Variants in ANGPT2 observed in about 807,000 individuals in gnomAD.
ANGPT2 encodes the protein angiopoietin 2, also known as angiopoietin-2.
In ANGPT2, 28 loss-of-function variants were observed where a neutral mutation model predicts 62.9. The ratio of observed to expected loss-of-function variants is 0.44; its 90% CI spans 0.33 to 0.61. The LOEUF (loss-of-function observed/expected upper bound fraction) is 0.61. Among genes scored for constraint, ANGPT2 ranks in the 20% least tolerant of loss-of-function variants. The pLI is 0.03. For synonymous variants in ANGPT2, 284 were observed against 207.8 expected, an observed-to-expected ratio of 1.37 and a Z score of -3.15; for missense variants, 727 against 594.9, an observed-to-expected ratio of 1.22 and a Z score of -2.31.
Position 6,502,844 on chromosome 8 carries a change from G to C in ANGPT2, c.*257C>G, listed in dbSNP as rs898091946. 1 of 449,460 alleles carries C rather than the reference G, an allele frequency of 2.2e-6. No homozygotes were observed. Among genetic ancestry groups the C allele is most frequent in the Non-Finnish European group, 4.0e-6 (1 of 251,792 alleles). 27.8% of individuals were successfully genotyped at this position (449,460 alleles called of 1,614,324 possible). A position where few individuals can be genotyped will look rare whatever the true frequency, so the allele number is the denominator to read the frequency against. On this transcript the variant is annotated 3_prime_UTR_variant, in exon 9 of 9. Transcript: ENST00000629816. ...CTGTAAACTGTCAGTCTGATTCTCAGCCTCGGGTTCATCTTTGCATAGGTG... is the reference window on the plus strand; with the variant it reads ...CTGTAAACTGTCAGTCTGATTCTCACCCTCGGGTTCATCTTTGCATAGGTG...
intron 1 of ANGPT2, among the ~76,000 whole-genome samples, chr8:6,559,166 G>A (rs1232430376): frequency 6.6e-6 from 1 of 151,574 alleles, no homozygotes; most frequent in Non-Finnish European, 1.5e-5. Flanking sequence ...AATGAACCAA[G>A]CCCTGGGTTT....
chr8:6,508,704 G>C (rs1193913053), intron 8 of ANGPT2: 2 of 632,672 alleles, frequency 3.2e-6, no homozygotes, highest in African/African-American at 3.7e-5. Context: ...GCTAGGTCCT[G>C]AGGAGACACA....
chr8:6,513,776 T>C lies in ANGPT2; in HGVS notation c.1098A>G (p.Gln366=). 1.2e-6 allele frequency: 2 copies of C among 1,614,098 alleles called. No homozygotes were observed. ...TAAGGTGTATTTTAAGCACATAGCG[T>C]TGCTGATTAGTCAGTTGCGAAACAA... The part of the protein sequence containing the change: ...NEFVSQLTNQ[Q]RYVLKIHLKD... The change falls in exon 7 of 9, where the codon CAA becomes CAG. Residue 366 remains glutamine, a synonymous_variant. Coordinates refer to ENST00000629816, the MANE Select transcript of ANGPT2 (RefSeq NM_001118887.2).
chr8:6,559,357 G>A (rs1179673969), intron 1 of ANGPT2, among the ~76,000 whole-genome samples: 2 of 152,090 alleles, frequency 1.3e-5, no homozygotes, highest in African/African-American at 2.4e-5. Context: ...TATGTTTGAA[G>A]AGCATAACTG....
chr8:6,505,391 G>A (rs1422969019), intron 8 of ANGPT2, among the ~76,000 whole-genome samples: 1,977 of 47,406 alleles, frequency 0.042, 146 homozygotes, highest in African/African-American at 0.059. Flanking sequence ...CTTTCTATAT[G>A]TATATAGAAT....
At chr8:6,537,628 G>A (rs17077451) in intron 1 of ANGPT2, among the ~76,000 whole-genome samples, 5,479 of 151,636 alleles carry the variant, frequency 0.036, 347 homozygotes, top group African/African-American at 0.12. Flanking sequence ...CTCCCACAAC[G>A]TTTTGAATGA....
chr8:6,525,324 G>A (rs963308710), intron 3 of ANGPT2, among the ~76,000 whole-genome samples: 2 of 152,134 alleles, frequency 1.3e-5, no homozygotes, highest in African/African-American at 4.8e-5. Context: ...CAAACTCCTA[G>A]GTTCAAGCGA....
chr8:6,521,300 A>C lies in ANGPT2; in HGVS notation c.677T>G (p.Ile226Ser). 2 of 1,613,816 alleles carry C rather than the reference A, an allele frequency of 1.2e-6. No individual in the cohort carries two copies. Among genetic ancestry groups the C allele is most frequent in the Non-Finnish European group, 1.7e-6 (2 of 1,179,912 alleles). The change falls in exon 4 of 9, where the codon ATC (isoleucine) becomes AGC (serine). Residue 226 changes from isoleucine to serine, a missense_variant. Physicochemically the swap from Ile to Ser is moderately radical, Grantham distance 142. Coordinates refer to ENST00000629816, the MANE Select transcript of ANGPT2 (RefSeq NM_001118887.2). ...TATTTTTTTTTCTAGTTCTTCAATGATGGAATTTTGCTTGGATACTAACAC... is the reference window on the plus strand; with the variant it reads ...TATTTTTTTTTCTAGTTCTTCAATGCTGGAATTTTGCTTGGATACTAACAC... ...LQVLVSKQNS[I>S]IEELEKKIVT...
At position 6,527,795 on chromosome 8, in the gene ANGPT2, C is replaced by A. The variant is rs568366192; in HGVS notation, c.445-119G>T. On this transcript the variant is annotated intron_variant, in intron 2 of 8. Coordinates refer to ENST00000629816, the MANE Select transcript of ANGPT2 (RefSeq NM_001118887.2). The stretch of plus-strand genomic sequence containing the variant: ...ACATAACAAAAACATTATTTATTAA[C>A]CCAAGTATCTTATTTTGGCATATTT... 165 of 952,564 alleles carry A rather than the reference C, an allele frequency of 1.7e-4. 2 individuals are homozygous for A. The African/African-American group carries it at 2.4e-3, about 14-fold the overall frequency. 59.0% of individuals were successfully genotyped at this position (952,564 alleles called of 1,614,324 possible). A position where few individuals can be genotyped will look rare whatever the true frequency, so the allele number is the denominator to read the frequency against.
chr8:6,518,735 T>C (rs1455482692), intron 5 of ANGPT2, among the ~76,000 whole-genome samples: 2 of 152,158 alleles, frequency 1.3e-5, no homozygotes, highest in African/African-American at 2.4e-5. Flanking sequence ...CTGTAGTTAT[T>C]TGTGTTGGTT....
intron 1 of ANGPT2, among the ~76,000 whole-genome samples, chr8:6,542,877 G>A (rs538476782): frequency 4.6e-5 from 7 of 152,302 alleles, no homozygotes; most frequent in African/African-American, 1.4e-4. Flanking sequence ...AAAGGCTAGC[G>A]AAACTTAGAT....
In ANGPT2 at chr8:6,562,958, A is replaced by G. The variant is rs1825785798; in HGVS notation, c.-24T>C. 1 of 1,557,276 alleles carries G rather than the reference A, an allele frequency of 6.4e-7. No individual in the cohort carries two copies. Among genetic ancestry groups the G allele is most frequent in the African/African-American group, 1.4e-5 (1 of 73,992 alleles). On this transcript the variant is annotated 5_prime_UTR_variant, in exon 1 of 9. Coordinates refer to ENST00000629816, the MANE Select transcript of ANGPT2 (RefSeq NM_001118887.2). ...ATTCTTTCTTCAGTAATAAACCAGC[A>G]GCTTAGCAAACTTGAGGGCAAACAC... is the stretch of plus-strand genomic sequence containing the variant.
intron 2 of ANGPT2, among the ~76,000 whole-genome samples, chr8:6,532,070 G>A (rs1284334438): frequency 6.6e-6 from 1 of 152,184 alleles, no homozygotes; most frequent in Admixed American, 6.5e-5. Flanking sequence ...CAGTGGTTGG[G>A]ATGCGTGGCA....
chr8:6,551,859 A>T (rs1181203307), intron 1 of ANGPT2, among the ~76,000 whole-genome samples: 1 of 152,216 alleles, frequency 6.6e-6, no homozygotes, highest in African/African-American at 2.4e-5. Context: ...TTTTACACCA[A>T]CATTTCCCAT....
At chr8:6,533,745 G>T (rs1420838090) in intron 1 of ANGPT2, among the ~76,000 whole-genome samples, 2 of 151,960 alleles carry the variant, frequency 1.3e-5, no homozygotes, top group African/African-American at 4.8e-5. Flanking sequence ...ACTGGTTCTG[G>T]TGCCCTCCTT....
intron 8 of ANGPT2, among the ~76,000 whole-genome samples, chr8:6,503,465 A>G (rs1341576654): frequency 6.6e-6 from 1 of 152,210 alleles, no homozygotes; most frequent in Non-Finnish European, 1.5e-5. Context: ...ATTACGGCAA[A>G]TGCTTTTACA....
intron 1 of ANGPT2, among the ~76,000 whole-genome samples, chr8:6,555,635 T>A (rs996444530): frequency 2.0e-5 from 3 of 152,022 alleles, no homozygotes; most frequent in Non-Finnish European, 4.4e-5. Context: ...GTGATTTTTA[T>A]ATTTTTTGGT....
intron 5 of ANGPT2, among the ~76,000 whole-genome samples, chr8:6,515,129 T>A (rs7838691): frequency 0.076 from 11,582 of 152,142 alleles, 497 homozygotes; most frequent in African/African-American, 0.11. Flanking sequence ...TTTTGGCAGA[T>A]TGGCCCCGAA....
intron 1 of ANGPT2, among the ~76,000 whole-genome samples, chr8:6,554,249 G>T (rs1390666600): frequency 1.3e-5 from 2 of 150,742 alleles, no homozygotes; most frequent in African/African-American, 4.9e-5. Flanking sequence ...CAGGTGGTCT[G>T]GACTAAATGT....
Sources: allele counts gnomAD v4.1 joint callset (sites outside exome capture counted in the v4.1 genomes callset), GRCh38; gene constraint gnomAD v4.1.1; transcripts MANE v1.5; gene names NCBI Gene and HGNC (gene_info 2026-07-23, HGNC 2026-07-21).